Variants in SSH2 observed in about 807,000 individuals in gnomAD.
SSH2 encodes the protein slingshot protein phosphatase 2, also known as protein phosphatase Slingshot homolog 2.
Under a neutral mutation model 135.2 loss-of-function variants are expected in SSH2, and 37 were observed. That is an observed-to-expected ratio of 0.27 (90% confidence interval 0.21 to 0.36). The LOEUF (loss-of-function observed/expected upper bound fraction) is 0.36, where lower values mean the gene tolerates loss of function less well. SSH2 is among the 10% of genes least tolerant of loss of function. SSH2 has a pLI of 1.00. For missense variants in SSH2, 1,408 were observed against 1,765.3 expected (o/e 0.80, Z 3.63); for synonymous variants, 628 against 646.2 (o/e 0.97, Z 0.43).
intron 6 of SSH2, among the ~76,000 whole-genome samples, chr17:29,681,948 C>T (rs1028298199): frequency 2.0e-5 from 3 of 152,298 alleles, no homozygotes; most frequent in Middle Eastern, 6.8e-3. Flanking sequence ...TTCATAATAG[C>T]AAGTTTAGCA....
chr17:29,724,505 G>A (rs2039924590), intron 3 of SSH2, among the ~76,000 whole-genome samples: 1 of 96,986 alleles, frequency 1.0e-5, no homozygotes, highest in African/African-American at 4.1e-5. Context: ...TCCAGCCTGG[G>A]CAACAAGAGC....
intron 3 of SSH2, among the ~76,000 whole-genome samples, chr17:29,759,372 G>C (rs1055881566): frequency 2.0e-5 from 3 of 152,164 alleles, no homozygotes; most frequent in African/African-American, 7.2e-5. Context: ...TTAGGTTGGT[G>C]TAAAAGTAAC....
chr17:29,795,190 A>G (rs928013188), intron 2 of SSH2, among the ~76,000 whole-genome samples: 13 of 152,244 alleles, frequency 8.5e-5, no homozygotes, highest in African/African-American at 2.7e-4. Context: ...AATTACAGGC[A>G]CAAAATACCA....
At chr17:29,658,061 T>C (rs1017019556) in intron 11 of SSH2, among the ~76,000 whole-genome samples, 1 of 151,426 alleles carries the variant, frequency 6.6e-6, no homozygotes, top group Non-Finnish European at 1.5e-5. Context: ...TGGAGTGCAA[T>C]GGCACAATCT....
chr17:29,929,863 T>C, intron 1 of SSH2, 75 bp downstream of exon 1: 1 of 1,416,352 alleles, frequency 7.1e-7, no homozygotes, highest in Non-Finnish European at 9.6e-7. Context: ...CGCAGTGGCG[T>C]TCGGCGGGAC....
chr17:29,850,811 C>T (rs1461949625), intron 1 of SSH2, among the ~76,000 whole-genome samples: 1 of 152,136 alleles, frequency 6.6e-6, no homozygotes, highest in Non-Finnish European at 1.5e-5. Context: ...TGGTGAAACC[C>T]CGTCTCTACT....
chr17:29,638,452 T>G (rs2036007551), intron 14 of SSH2, among the ~76,000 whole-genome samples: 1 of 150,214 alleles, frequency 6.7e-6, no homozygotes, highest in South Asian at 2.1e-4. Context: ...CTGATAATAG[T>G]GATTCTTTCA....
chr17:29,907,527 G>GA (rs927300646), intron 1 of SSH2, among the ~76,000 whole-genome samples: 3 of 151,872 alleles, frequency 2.0e-5, no homozygotes, highest in African/African-American at 7.2e-5. Context: ...AGGAAAAAAA[G>GA]AAAAAAAATA....
intron 14 of SSH2, chr17:29,644,989 A>T (rs2036314648): frequency 6.6e-6 from 1 of 152,124 alleles, no homozygotes; most frequent in Non-Finnish European, 1.5e-5. Context: ...AAATTCTAGG[A>T]ACACTTCCCA....
intron 3 of SSH2, among the ~76,000 whole-genome samples, chr17:29,783,178 G>C (rs112951533): frequency 6.6e-6 from 1 of 151,648 alleles, no homozygotes; most frequent in Non-Finnish European, 1.5e-5. Context: ...TAGTTGGCAG[G>C]TCCAGGTGGG....
chr17:29,840,290 T>G (rs990750845), intron 2 of SSH2, among the ~76,000 whole-genome samples: 1 of 152,232 alleles, frequency 6.6e-6, no homozygotes, highest in African/African-American at 2.4e-5. Flanking sequence ...ACTTTCTGCA[T>G]TCTTTGAAAC....
intron 3 of SSH2, among the ~76,000 whole-genome samples, chr17:29,714,758 C>T (rs1293133425): frequency 6.6e-6 from 1 of 152,198 alleles, no homozygotes; most frequent in Non-Finnish European, 1.5e-5. Flanking sequence ...AGAAATTAAA[C>T]TCACTTTCTG....
At chr17:29,795,885 GTGCCCGCCACCA>G (rs1252680371) in intron 2 of SSH2, among the ~76,000 whole-genome samples, 1 of 152,060 alleles carries the variant, frequency 6.6e-6, no homozygotes, top group Non-Finnish European at 1.5e-5. Flanking sequence ...GGGACTACAG[GTGCCCGCCACCA>G]TGCCTGGCTA....
At chr17:29,804,782 C>T (rs1025705407) in intron 2 of SSH2, among the ~76,000 whole-genome samples, 6 of 151,164 alleles carry the variant, frequency 4.0e-5, no homozygotes, top group African/African-American at 7.3e-5. Context: ...AGTGTTCTCT[C>T]GCCTCAGCCT....
intron 14 of SSH2, chr17:29,647,788 A>G: frequency 4.2e-6 from 1 of 235,728 alleles, no homozygotes; most frequent in East Asian, 1.2e-4. Flanking sequence ...TCAGCCTCCC[A>G]AGTAGCTGGG....
At chr17:29,834,224 GA>G (rs1282675557) in intron 2 of SSH2, among the ~76,000 whole-genome samples, 1 of 151,804 alleles carries the variant, frequency 6.6e-6, no homozygotes, top group Non-Finnish European at 1.5e-5. Context: ...CTCAACATTT[GA>G]AAAAAATATT....
chr17:29,828,347 G>C (rs1224285988), intron 2 of SSH2, among the ~76,000 whole-genome samples: 3 of 152,038 alleles, frequency 2.0e-5, no homozygotes, highest in African/African-American at 7.2e-5. Context: ...TTCTCAGCAG[G>C]GTCTGAATCT....
intron 3 of SSH2, among the ~76,000 whole-genome samples, chr17:29,744,504 G>T (rs1224529348): frequency 6.6e-6 from 1 of 152,182 alleles, no homozygotes; most frequent in Non-Finnish European, 1.5e-5. Context: ...GATCTTTACT[G>T]ATAATGTATA....
intron 2 of SSH2, among the ~76,000 whole-genome samples, chr17:29,812,746 T>C (rs1171326288): frequency 6.6e-6 from 1 of 151,490 alleles, no homozygotes; most frequent in Non-Finnish European, 1.5e-5. Flanking sequence ...AAAATTTAGC[T>C]GGGCATGGTG....
Sources: gnomAD v4.1 joint callset for allele counts (sites outside exome capture counted in the v4.1 genomes callset) on GRCh38, gnomAD v4.1.1 for gene constraint, MANE v1.5 for transcripts, NCBI Gene and HGNC (gene_info 2026-07-23, HGNC 2026-07-21) for gene names.